The following SHISA9 variants were observed in gnomAD, a reference collection of about 807,000 sequenced individuals.
SHISA9 encodes shisa family member 9, also known as protein shisa-9.
Under a neutral mutation model 38.0 loss-of-function variants are expected in SHISA9, and 13 were observed. The ratio of observed to expected loss-of-function variants is 0.34; its 90% CI spans 0.22 to 0.54. The LOEUF is 0.54. Ranked by LOEUF, SHISA9 falls within the 20% of genes least tolerant of loss-of-function variation. The pLI is 0.91. For missense variants in SHISA9, 538 were observed against 575.8 expected, an observed-to-expected ratio of 0.93 and a Z score of 0.67; for synonymous variants, 275 against 242.0, an observed-to-expected ratio of 1.14 and a Z score of -1.27.
intron 2 of SHISA9, among the ~76,000 whole-genome samples, chr16:13,019,831 TCTTTTTC>T (rs2072809180): frequency 1.9e-5 from 2 of 106,214 alleles, no homozygotes; most frequent in African/African-American, 7.6e-5. Context: ...TTTCTTTCTT[TCTTTTTC>T]CTTCCTTCCC....
intron 2 of SHISA9, among the ~76,000 whole-genome samples, chr16:12,937,736 T>A (rs2071552795): frequency 6.6e-6 from 1 of 152,200 alleles, no homozygotes; most frequent in Non-Finnish European, 1.5e-5. Flanking sequence ...TCCTTATGAC[T>A]TCATTTGATC....
intron 3 of SHISA9, among the ~76,000 whole-genome samples, chr16:13,206,847 C>A (rs997170218): frequency 2.0e-5 from 3 of 152,198 alleles, no homozygotes; most frequent in Non-Finnish European, 4.4e-5. Flanking sequence ...ATCCTAACTG[C>A]ATTCAAATAT....
the SHISA9 span, among the ~76,000 whole-genome samples, chr16:13,339,387 TGAGATTAAACA>T: frequency 6.6e-6 from 1 of 152,280 alleles, no homozygotes; most frequent in African/African-American, 2.4e-5. Context: ...GCAAAGGCTC[TGAGATTAAACA>T]GACTTGGATT....
the SHISA9 span, among the ~76,000 whole-genome samples, chr16:13,348,040 C>T: frequency 6.6e-6 from 1 of 152,158 alleles, no homozygotes; most frequent in Admixed American, 6.5e-5. Flanking sequence ...TGTTGAATTT[C>T]CAACCCACAT....
At chr16:13,154,845 G>A (rs1043621302) in intron 2 of SHISA9, among the ~76,000 whole-genome samples, 3 of 152,232 alleles carry the variant, frequency 2.0e-5, no homozygotes, top group Admixed American at 6.5e-5. Flanking sequence ...TTTGAAAGCA[G>A]ACACGGTTAC....
At chr16:13,422,882 T>A in the SHISA9 span, among the ~76,000 whole-genome samples, 2 of 152,210 alleles carry the variant, frequency 1.3e-5, no homozygotes, top group African/African-American at 4.8e-5. Flanking sequence ...GATGACAGTC[T>A]TATTGCACGT....
chr16:13,202,084 G>C (rs759330721), intron 2 of SHISA9, among the ~76,000 whole-genome samples: 2 of 112,970 alleles, frequency 1.8e-5, no homozygotes, highest in Non-Finnish European at 3.7e-5. Flanking sequence ...TTCCCATTTG[G>C]GTCTCGCCTC....
chr16:13,299,106 A>T, the SHISA9 span, among the ~76,000 whole-genome samples: 2 of 152,336 alleles, frequency 1.3e-5, no homozygotes, highest in African/African-American at 4.8e-5. Context: ...TCATCTAGCA[A>T]AGTCCAGCTT....
At chr16:12,985,149 G>T (rs1567172793) in intron 2 of SHISA9, among the ~76,000 whole-genome samples, 1 of 151,880 alleles carries the variant, frequency 6.6e-6, no homozygotes, top group African/African-American at 2.4e-5. Context: ...ATCAAAAGGA[G>T]GTGGTGTTTT....
At chr16:13,190,388 T>C (rs767204296) in intron 2 of SHISA9, among the ~76,000 whole-genome samples, 6 of 152,180 alleles carry the variant, frequency 3.9e-5, no homozygotes, top group Non-Finnish European at 4.4e-5. Context: ...TATGGGACGT[T>C]AGGGATGTTC....
chr16:13,006,511 C>T (rs1354811971), intron 2 of SHISA9, among the ~76,000 whole-genome samples: 1 of 152,238 alleles, frequency 6.6e-6, no homozygotes, highest in East Asian at 1.9e-4. Context: ...CATTGCAAGT[C>T]ACCTGGGGAC....
chr16:13,152,015 A>G (rs752101209), intron 2 of SHISA9, among the ~76,000 whole-genome samples: 6 of 152,236 alleles, frequency 3.9e-5, no homozygotes, highest in African/African-American at 9.6e-5. Flanking sequence ...CTAGGGATCC[A>G]TGTGGATTCT....
At position 12,922,251 on chromosome 16, in the gene SHISA9, C is replaced by A. The variant is rs555117098; in HGVS notation, c.691+5436C>A. 2.0e-5 allele frequency among the ~76,000 whole-genome samples: 3 copies of A among 152,328 alleles called. No individual in the cohort carries two copies. In the South Asian group the frequency reaches 6.2e-4, roughly 32 times the overall value. On this transcript the variant is annotated intron_variant, in intron 2 of 4. Transcript: ENST00000558583. ...CCAAAATATACATCCAATTTACAGC[C>A]TTACTAACAACTAACATTTATTGAG...
chr16:13,304,229 G>T, the SHISA9 span, among the ~76,000 whole-genome samples: 19 of 152,248 alleles, frequency 1.2e-4, no homozygotes, highest in East Asian at 3.5e-3. Flanking sequence ...TGTGAATGAA[G>T]TCTTACACCA....
At chr16:13,344,492 G>T in the SHISA9 span, among the ~76,000 whole-genome samples, 1 of 74,152 alleles carries the variant, frequency 1.3e-5, no homozygotes, top group Non-Finnish European at 2.7e-5. Context: ...CTAAAGCTGT[G>T]GCAGAATTCA....
At chr16:13,429,971 T>C in the SHISA9 span, among the ~76,000 whole-genome samples, 1 of 152,184 alleles carries the variant, frequency 6.6e-6, no homozygotes, top group Admixed American at 6.5e-5. Flanking sequence ...ATAATTAAGG[T>C]TAAATGGGAT....
At chr16:13,253,696 T>A in the SHISA9 span, among the ~76,000 whole-genome samples, 1 of 152,062 alleles carries the variant, frequency 6.6e-6, no homozygotes, top group Non-Finnish European at 1.5e-5. Flanking sequence ...CCACAACACA[T>A]GAGAATTATG....
At chr16:12,937,776 A>C (rs2071553145) in intron 2 of SHISA9, among the ~76,000 whole-genome samples, 1 of 152,238 alleles carries the variant, frequency 6.6e-6, no homozygotes, top group African/African-American at 2.4e-5. Flanking sequence ...CCCCATCTTC[A>C]AATACAGAAC....
chr16:13,173,377 T>TACAC (rs34832916), intron 2 of SHISA9, among the ~76,000 whole-genome samples: 5,015 of 142,880 alleles, frequency 0.035, 132 homozygotes, highest in African/African-American at 0.077. Flanking sequence ...TGTGTGCATG[T>TACAC]ACACACACAC....
Sources: allele counts gnomAD v4.1 joint callset (sites outside exome capture counted in the v4.1 genomes callset), GRCh38; gene constraint gnomAD v4.1.1; transcripts MANE v1.5; gene names NCBI Gene and HGNC (gene_info 2026-07-23, HGNC 2026-07-21).